Variants in DGKB observed in about 807,000 individuals in gnomAD.
DGKB encodes 90 kDa diacylglycerol kinase.
Under a neutral mutation model 114.3 loss-of-function variants are expected in DGKB, and 67 were observed. That is an observed-to-expected ratio of 0.59 (90% CI 0.48 to 0.72). The LOEUF is 0.72. DGKB is among the 30% of genes least tolerant of loss of function. DGKB has a pLI of 0.00. For missense variants in DGKB, 907 were observed against 975.2 expected (o/e 0.93, Z 0.93); for synonymous variants, 398 against 323.1 (o/e 1.23, Z -2.49).
chr7:14,662,139 G>C (rs1419359935), intron 13 of DGKB, among the ~76,000 whole-genome samples: 1 of 151,754 alleles, frequency 6.6e-6, no homozygotes, highest in Non-Finnish European at 1.5e-5. Flanking sequence ...GCACCAGCAT[G>C]GCACATGTAT....
At chr7:14,457,178 AAT>A (rs569059451) in intron 21 of DGKB, among the ~76,000 whole-genome samples, 320 of 152,314 alleles carry the variant, frequency 2.1e-3, no homozygotes, top group African/African-American at 7.1e-3. Flanking sequence ...ATGTTAAAAT[AAT>A]ATGATATCAT....
intron 2 of DGKB, among the ~76,000 whole-genome samples, chr7:14,758,291 A>G (rs567774681): frequency 6.6e-6 from 1 of 152,174 alleles, no homozygotes; most frequent in Admixed American, 6.5e-5. Flanking sequence ...TAAACCTTTC[A>G]TCTTATTAGT....
At chr7:14,946,767 C>T (rs1017923357) in intron 1 of DGKB, among the ~76,000 whole-genome samples, 1 of 151,682 alleles carries the variant, frequency 6.6e-6, no homozygotes, top group African/African-American at 2.4e-5. Context: ...TAGTTTTAAG[C>T]TCATTTCTCA....
At chr7:14,385,155 C>T (rs573236127) in intron 21 of DGKB, among the ~76,000 whole-genome samples, 6 of 152,134 alleles carry the variant, frequency 3.9e-5, no homozygotes, top group South Asian at 2.1e-4. Flanking sequence ...TCACCTCAAA[C>T]GGACTGACAC....
intron 23 of DGKB, among the ~76,000 whole-genome samples, chr7:14,230,596 G>T (rs992208296): frequency 6.6e-6 from 1 of 151,958 alleles, no homozygotes. Context: ...TATAATAAGA[G>T]AATTATTGTA....
chr7:14,336,609 A>G (rs1213910366), intron 23 of DGKB, among the ~76,000 whole-genome samples: 2 of 152,186 alleles, frequency 1.3e-5, no homozygotes, highest in East Asian at 3.9e-4. Context: ...AGTAGAAAGC[A>G]AGAAGACAGA....
chr7:14,217,119 C>T (rs1789112305), intron 23 of DGKB, among the ~76,000 whole-genome samples: 1 of 152,034 alleles, frequency 6.6e-6, no homozygotes, highest in South Asian at 2.1e-4. Context: ...GAGAAAGGGC[C>T]AGACAGTCTA....
intron 12 of DGKB, among the ~76,000 whole-genome samples, chr7:14,676,304 T>C (rs1202367928): frequency 3.3e-5 from 5 of 152,098 alleles, no homozygotes; most frequent in African/African-American, 7.2e-5. Flanking sequence ...ATGTACACTT[T>C]CCTTCAATGA....
intron 20 of DGKB, among the ~76,000 whole-genome samples, chr7:14,538,265 G>C (rs1342424749): frequency 6.6e-6 from 1 of 151,736 alleles, no homozygotes; most frequent in Non-Finnish European, 1.5e-5. Context: ...CACCTCAATA[G>C]CAAAACAAAA....
rs1822996534 is a variant in DGKB at position 14,692,216 on chromosome 7, A to T, written c.711+1859T>A. Among the ~76,000 whole-genome samples, 3 of 152,224 alleles carry T rather than the reference A, an allele frequency of 2.0e-5. No homozygotes were observed. In the South Asian group the frequency reaches 6.2e-4, roughly 32 times the overall value. On this transcript the variant is annotated intron_variant, in intron 9 of 25. Transcript: ENST00000402815. ...TTTCAAAAAATCTCTTGTGACATTT[A>T]AAATACGGGCAACTGACTGTCCCTT...
intron 1 of DGKB, among the ~76,000 whole-genome samples, chr7:14,972,932 G>C (rs967224534): frequency 6.6e-6 from 1 of 151,926 alleles, no homozygotes; most frequent in Non-Finnish European, 1.5e-5. Context: ...GCAGAAAGTG[G>C]GTTAACGTTA....
chr7:14,915,101 T>TGTGATTC (rs1367697227), intron 1 of DGKB, among the ~76,000 whole-genome samples: 11 of 152,192 alleles, frequency 7.2e-5, no homozygotes, highest in Non-Finnish European at 1.6e-4. Flanking sequence ...GCATGGTGGC[T>TGTGATTC]CACACCTGTG....
intron 23 of DGKB, among the ~76,000 whole-genome samples, chr7:14,226,317 T>G (rs1436099903): frequency 1.3e-5 from 2 of 151,984 alleles, no homozygotes; most frequent in African/African-American, 4.8e-5. Flanking sequence ...TGACCTGATA[T>G]GAAACACCAT....
chr7:14,729,786 A>T (rs1014481382), intron 5 of DGKB, among the ~76,000 whole-genome samples: 2 of 152,232 alleles, frequency 1.3e-5, no homozygotes, highest in African/African-American at 4.8e-5. Flanking sequence ...ATATAACTGA[A>T]CACATAATTG....
At chr7:14,648,495 A>C (rs907580823) in intron 13 of DGKB, among the ~76,000 whole-genome samples, 4 of 118,434 alleles carry the variant, frequency 3.4e-5, no homozygotes, top group East Asian at 5.7e-4. Context: ...ACCCATCTGT[A>C]CATCACCATC....
intron 21 of DGKB, among the ~76,000 whole-genome samples, chr7:14,426,109 A>G (rs1360078567): frequency 6.6e-6 from 1 of 152,100 alleles, no homozygotes; most frequent in South Asian, 2.1e-4. Flanking sequence ...AAAATGAAAG[A>G]TTTACTTCTA....
chr7:14,891,467 G>A (rs1015502274), intron 1 of DGKB, among the ~76,000 whole-genome samples: 2 of 151,416 alleles, frequency 1.3e-5, no homozygotes, highest in African/African-American at 4.8e-5. Context: ...AAGTAAAGCG[G>A]AAAAGCAGCA....
chr7:14,919,099 C>CACACAA (rs1554345191), intron 1 of DGKB, among the ~76,000 whole-genome samples: 2,011 of 141,566 alleles, frequency 0.014, 15 homozygotes, highest in Middle Eastern at 0.033. Context: ...CACACAAACA[C>CACACAA]ACACACACAC....
chr7:14,465,310 C>G (rs994215363), intron 21 of DGKB, among the ~76,000 whole-genome samples: 7 of 150,552 alleles, frequency 4.6e-5, no homozygotes, highest in African/African-American at 1.7e-4. Flanking sequence ...ATTTCTCAAG[C>G]TATACAAAAT....
Sources: gnomAD v4.1 joint callset for allele counts (sites outside exome capture counted in the v4.1 genomes callset) on GRCh38, gnomAD v4.1.1 for gene constraint, MANE v1.5 for transcripts, NCBI Gene and HGNC (gene_info 2026-07-23, HGNC 2026-07-21) for gene names.